Variants in DMD observed in about 807,000 individuals in gnomAD.
DMD encodes the protein dystrophin.
In DMD, 63 loss-of-function variants were observed where a neutral mutation model predicts 330.1. That is an observed-to-expected ratio of 0.19 (90% confidence interval 0.16 to 0.24). The LOEUF (loss-of-function observed/expected upper bound fraction) is 0.24. Ranked by LOEUF, DMD falls within the 10% of genes least tolerant of loss-of-function variation. The probability of loss-of-function intolerance (pLI) is 1.00; values close to 1 mark genes in which losing one functional copy is unlikely to be tolerated. For missense variants in DMD, 3,344 were observed against 2,684.1 expected (o/e 1.25, Z -5.43); for synonymous variants, 1,223 against 959.8 (o/e 1.27, Z -5.07).
chrX:32,399,416 G>A (rs1285434729), intron 30 of DMD, among the ~76,000 whole-genome samples: 1 of 111,700 alleles, frequency 9.0e-6, no homozygotes, highest in Non-Finnish European at 1.9e-5. Flanking sequence ...GATTAAAAAT[G>A]GGCAAAATAT....
At chrX:32,949,589 G>T (rs1312021636) in intron 2 of DMD, among the ~76,000 whole-genome samples, 4 of 111,178 alleles carry the variant, frequency 3.6e-5, no homozygotes, top group African/African-American at 1.3e-4. Context: ...CCCCTATCAT[G>T]CCACCATTGT....
chrX:32,874,508 C>T (rs1486630495), intron 2 of DMD, among the ~76,000 whole-genome samples: 1 of 111,456 alleles, frequency 9.0e-6, no homozygotes, highest in Non-Finnish European at 1.9e-5. Context: ...GTCACTGACA[C>T]ACTCTCCTCC....
intron 53 of DMD, among the ~76,000 whole-genome samples, chrX:31,675,627 C>A (rs2082034904): frequency 9.0e-6 from 1 of 111,518 alleles, no homozygotes; most frequent in Admixed American, 9.6e-5. Flanking sequence ...TCCCAAAGTG[C>A]TGGGATTACA....
chrX:32,924,911 A>T (rs2088820918), intron 2 of DMD, among the ~76,000 whole-genome samples: 1 of 110,907 alleles, frequency 9.0e-6, no homozygotes, highest in African/African-American at 3.3e-5. Context: ...CATTATAAAT[A>T]TATGTGTAAA....
At chrX:31,236,010 G>T (rs2047684994) in intron 63 of DMD, among the ~76,000 whole-genome samples, 1 of 112,422 alleles carries the variant, frequency 8.9e-6, no homozygotes, top group Admixed American at 9.4e-5. Flanking sequence ...GGGAAGCTGT[G>T]TGGACACAGT....
intron 1 of DMD, among the ~76,000 whole-genome samples, chrX:33,168,426 T>C (rs1466371970): frequency 1.8e-5 from 2 of 110,269 alleles, no homozygotes; most frequent in African/African-American, 3.3e-5. Flanking sequence ...AGCCATACTC[T>C]GAAAGTTGTT....
intron 44 of DMD, among the ~76,000 whole-genome samples, chrX:32,207,669 G>C (rs191233374): frequency 5.4e-4 from 61 of 112,062 alleles, no homozygotes; most frequent in African/African-American, 2.0e-3. Context: ...TTGAAGGATA[G>C]CACTGGTTAT....
chrX:31,136,586 G>C (rs1433057250), intron 76 of DMD, among the ~76,000 whole-genome samples: 1 of 111,812 alleles, frequency 8.9e-6, no homozygotes, highest in Non-Finnish European at 1.9e-5. Flanking sequence ...AGAACATCAT[G>C]AACGACGCTC....
chrX:31,767,911 A>G (rs1195555785), intron 51 of DMD, among the ~76,000 whole-genome samples: 2 of 112,154 alleles, frequency 1.8e-5, no homozygotes, highest in Non-Finnish European at 3.8e-5. Flanking sequence ...ATTTAAATAT[A>G]CACTATACCC....
intron 7 of DMD, among the ~76,000 whole-genome samples, chrX:32,741,160 A>C (rs1256873980): frequency 9.0e-6 from 1 of 111,611 alleles, no homozygotes; most frequent in Non-Finnish European, 1.9e-5. Flanking sequence ...ACGCAAGAAA[A>C]ATCTGATGAC....
chrX:32,283,926 C>T (rs765300114), intron 43 of DMD, among the ~76,000 whole-genome samples: 133 of 111,160 alleles, frequency 1.2e-3, no homozygotes, highest in African/African-American at 4.2e-3. Flanking sequence ...GTAGAATGAG[C>T]GACACACAGC....
Position 32,312,119 on chromosome X carries a change from G to A in DMD, c.5923-1843C>T, listed in dbSNP as rs763946999. Among the ~76,000 whole-genome samples the A allele has an allele frequency of 3.6e-5, 4 of 111,430 alleles. No homozygotes were observed. The South Asian group carries it at 1.5e-3, about 41-fold the overall frequency. ...ACAAAGGTTTTTGTTATCAGGAACA[G>A]AGTAAGTAGAAGACAAGTTGTAGTT... On this transcript the variant is annotated intron_variant, in intron 41 of 78. Coordinates refer to ENST00000357033, the MANE Select transcript of DMD (RefSeq NM_004006.3).
chrX:32,871,381 T>G lies in DMD; in HGVS notation c.94-21561A>C, dbSNP rs192951895. Among the ~76,000 whole-genome samples the G allele has an allele frequency of 4.1e-3, 451 of 110,897 alleles. 1 individual carries two copies. The highest frequency in any genetic ancestry group is 0.014 in the African/African-American group (420 of 30,549). On this transcript the variant is annotated intron_variant, in intron 2 of 78. Transcript: ENST00000357033. Reference sequence around the variant, plus strand: ...CTCCTTCCCCCGCCCTCCCCATACTTAAGATCAAGTGGGAGGTTTCTATTT... The same window carrying G: ...CTCCTTCCCCCGCCCTCCCCATACTGAAGATCAAGTGGGAGGTTTCTATTT...
At chrX:31,263,737 T>G (rs2050750900) in intron 62 of DMD, among the ~76,000 whole-genome samples, 1 of 112,749 alleles carries the variant, frequency 8.9e-6, no homozygotes, top group Non-Finnish European at 1.9e-5. Context: ...AAAACAGATT[T>G]AGATTTCACC....
At chrX:32,069,541 T>C (rs1238544639) in intron 44 of DMD, among the ~76,000 whole-genome samples, 2 of 112,045 alleles carry the variant, frequency 1.8e-5, no homozygotes, top group African/African-American at 3.2e-5. Flanking sequence ...ATCTATGTTA[T>C]GTAAGGGTTT....
chrX:32,610,913 T>C (rs1292970118), intron 12 of DMD, among the ~76,000 whole-genome samples: 1 of 111,167 alleles, frequency 9.0e-6, no homozygotes, highest in Non-Finnish European at 1.9e-5. Context: ...TCAACGACTA[T>C]ATAAATAAGG....
chrX:32,750,612 A>G (rs2070686508), intron 7 of DMD, among the ~76,000 whole-genome samples: 1 of 110,629 alleles, frequency 9.0e-6, no homozygotes, highest in Admixed American at 9.7e-5. Context: ...GTGGGTACCC[A>G]GTGAAACCCC....
At chrX:32,403,821 C>A (rs1226590319) in intron 30 of DMD, among the ~76,000 whole-genome samples, 1 of 111,965 alleles carries the variant, frequency 8.9e-6, no homozygotes. Context: ...GAACCCAAAT[C>A]TCTGGGTTAG....
intron 74 of DMD, among the ~76,000 whole-genome samples, chrX:31,167,441 C>CT (rs1304621097): frequency 1.8e-5 from 2 of 111,911 alleles, no homozygotes; most frequent in Non-Finnish European, 3.8e-5. Flanking sequence ...AAAGACTATG[C>CT]TAACCACAAA....
Sources: allele counts gnomAD v4.1 joint callset (sites outside exome capture counted in the v4.1 genomes callset), GRCh38; gene constraint gnomAD v4.1.1; transcripts MANE v1.5; gene names NCBI Gene and HGNC (gene_info 2026-07-23, HGNC 2026-07-21).